TTK: variants seen among roughly 807,000 people sequenced by gnomAD.
The protein encoded by TTK is dual specificity protein kinase TTK.
TTK carries 59 observed loss-of-function variants against 117.3 expected under a neutral mutation model. The ratio of observed to expected loss-of-function variants is 0.50; its 90% CI spans 0.41 to 0.62. The LOEUF is 0.62. Ranked by LOEUF, TTK falls within the 20% of genes least tolerant of loss-of-function variation. The probability of loss-of-function intolerance (pLI) is 0.00; values close to 1 mark genes in which losing one functional copy is unlikely to be tolerated. For synonymous variants in TTK, 302 were observed against 325.0 expected (o/e 0.93, Z 0.76); for missense variants, 921 against 989.4 (o/e 0.93, Z 0.93).
chr6:80,037,772 T>C (rs1439026596), intron 17 of TTK, 195 bp from the exon 18 acceptor site: 1 of 251,718 alleles, frequency 4.0e-6, no homozygotes, highest in African/African-American at 2.3e-5. Flanking sequence ...TGTCAGCAGT[T>C]ATTTGAAATT....
intron 17 of TTK, 82 bp from the exon 18 acceptor site, chr6:80,037,885 T>C: frequency 1.7e-6 from 1 of 580,424 alleles, no homozygotes; most frequent in Non-Finnish European, 2.7e-6. Flanking sequence ...ATAATAATAA[T>C]AATAATAATA....
intron 19 of TTK, 112 bp from the exon 20 acceptor site, chr6:80,040,084 G>T: frequency 1.0e-6 from 1 of 976,434 alleles, no homozygotes; most frequent in Non-Finnish European, 1.4e-6. Flanking sequence ...TACTTTAGTG[G>T]GATATCTAAA....
intron 8 of TTK, among the ~76,000 whole-genome samples, chr6:80,012,480 C>T (rs1767187460): frequency 1.3e-5 from 2 of 151,872 alleles, no homozygotes; most frequent in South Asian, 2.1e-4. Flanking sequence ...GTGTGTTCTC[C>T]TTCCCTCAAT....
intron 13 of TTK, 64 bp downstream of exon 13, chr6:80,028,075 T>G: frequency 6.9e-7 from 1 of 1,452,138 alleles, no homozygotes; most frequent in Non-Finnish European, 9.1e-7. Flanking sequence ...GCTTTTATTT[T>G]TATAGCATCT....
At chr6:80,020,471 A>T (rs926291491) in intron 10 of TTK, among the ~76,000 whole-genome samples, 1 of 152,230 alleles carries the variant, frequency 6.6e-6, no homozygotes, top group African/African-American at 2.4e-5. Flanking sequence ...ATAACAGCAC[A>T]TTCAAAGCAG....
At chr6:80,006,380 G>C (rs1445059733) in intron 2 of TTK, among the ~76,000 whole-genome samples, 1 of 152,092 alleles carries the variant, frequency 6.6e-6, no homozygotes, top group Non-Finnish European at 1.5e-5. Flanking sequence ...GAAAATAAAT[G>C]GAAGAACCTG....
chr6:80,024,613 A>C (rs969937175), intron 11 of TTK, among the ~76,000 whole-genome samples: 9 of 152,168 alleles, frequency 5.9e-5, no homozygotes, highest in Non-Finnish European at 8.8e-5. Flanking sequence ...GGGAGTGGGG[A>C]GTGATTGCTA....
At position 80,022,467 on chromosome 6, in the gene TTK, A is replaced by G; in HGVS notation, c.1252A>G (p.Thr418Ala). The G allele has an allele frequency of 6.2e-7, 1 of 1,612,836 alleles. No homozygotes were observed. The highest frequency in any genetic ancestry group is 8.5e-7 in the Non-Finnish European group (1 of 1,179,672). ...TCCGGAGTTAGCCCGAAAAGTTAAT[A>G]CAGAGGTAACTTTTCCACTAAAGTA... ...QIPELARKVN[T>A]EQKHTTFEQP... The change falls in exon 11 of 22, where the codon ACA becomes GCA. Residue 418 changes from threonine (T) to alanine (A), a missense_variant. Thr to Ala is a moderately conservative substitution (Grantham distance 58). Transcript: ENST00000369798.
chr6:80,006,933 A>T (rs1219000088), intron 2 of TTK, among the ~76,000 whole-genome samples: 1 of 152,194 alleles, frequency 6.6e-6, no homozygotes, highest in African/African-American at 2.4e-5. Context: ...GACTGAAGTT[A>T]ATAGAAGGAA....
intron 10 of TTK, among the ~76,000 whole-genome samples, chr6:80,019,690 G>GTT (rs1767406432): frequency 6.6e-6 from 1 of 152,142 alleles, no homozygotes; most frequent in Non-Finnish European, 1.5e-5. Flanking sequence ...CGATAACTCA[G>GTT]AAGATTGAGC....
chr6:80,016,325 G>A (rs1423825005), intron 10 of TTK, among the ~76,000 whole-genome samples: 2 of 152,170 alleles, frequency 1.3e-5, no homozygotes, highest in Non-Finnish European at 2.9e-5. Flanking sequence ...GCTAACCTTA[G>A]ACCAGCAATT....
chr6:80,022,141 T>C lies in TTK; in HGVS notation c.1109-183T>C, dbSNP rs145965293. Among the ~76,000 whole-genome samples the C allele has an allele frequency of 6.6e-4, 101 of 152,342 alleles. No individual in the cohort carries two copies. The East Asian group carries it at 0.017, about 26-fold the overall frequency. On this transcript the variant is annotated intron_variant, in intron 10 of 21. Transcript: ENST00000369798. Reference sequence around the variant, plus strand: ...TAGGAAGATGACTATAGTGCAACTTTGTGAAATTGACTTGCTAAAAGCAAA... The same window carrying C: ...TAGGAAGATGACTATAGTGCAACTTCGTGAAATTGACTTGCTAAAAGCAAA...
intron 8 of TTK, among the ~76,000 whole-genome samples, chr6:80,012,912 G>A (rs550352892): frequency 6.6e-6 from 1 of 152,172 alleles, no homozygotes; most frequent in South Asian, 2.1e-4. Flanking sequence ...ACAATGCTAG[G>A]TACTGTGGAG....
chr6:80,022,525 G>A (rs17175251), intron 11 of TTK, 53 bp downstream of exon 11: 246,745 of 1,552,686 alleles, frequency 0.16, 21,274 homozygotes, highest in South Asian at 0.19. Context: ...ATGCATTTCC[G>A]AAGGTTGATG....
chr6:80,017,570 C>T (rs1003534909), intron 10 of TTK, among the ~76,000 whole-genome samples: 2 of 152,292 alleles, frequency 1.3e-5, no homozygotes, highest in East Asian at 3.9e-4. Context: ...TGAGCTATCA[C>T]ACCAGGCCTA....
chr6:80,039,128 A>G (rs556883323), intron 18 of TTK, among the ~76,000 whole-genome samples: 3 of 152,226 alleles, frequency 2.0e-5, no homozygotes, highest in African/African-American at 2.4e-5. Flanking sequence ...TGGCTTAGAT[A>G]TAACTATTCT....
chr6:80,027,281 C>G (rs536893595), intron 12 of TTK, among the ~76,000 whole-genome samples: 17 of 152,226 alleles, frequency 1.1e-4, no homozygotes, highest in African/African-American at 4.1e-4. Flanking sequence ...TATATTGCCT[C>G]ATTTTATTAT....
intron 14 of TTK, among the ~76,000 whole-genome samples, chr6:80,033,063 A>G (rs531039340): frequency 1.4e-4 from 22 of 152,318 alleles, no homozygotes; most frequent in Non-Finnish European, 2.6e-4. Flanking sequence ...ATCTAAAAAA[A>G]ATCAAACTTG....
At position 80,038,074 on chromosome 6, in the gene TTK, A is replaced by G. The variant is rs376044021; in HGVS notation, c.2130+27A>G. The G allele has an allele frequency of 4.1e-5, 62 of 1,511,310 alleles. No homozygotes were observed. In the African/African-American group the frequency reaches 7.6e-4, roughly 19 times the overall value. The allele number at this position is 1,511,310 out of a possible 1,614,324, so 93.6% of individuals were successfully genotyped here. ...TACTGAAAAGATTATTTACATCACAATTATCTGGCAACAGTAGGGAATGCA... is the reference window on the plus strand; with the variant it reads ...TACTGAAAAGATTATTTACATCACAGTTATCTGGCAACAGTAGGGAATGCA... On this transcript the variant is annotated intron_variant, in intron 18 of 21. Transcript: ENST00000369798.
Sources: allele counts gnomAD v4.1 joint callset (sites outside exome capture counted in the v4.1 genomes callset), GRCh38; gene constraint gnomAD v4.1.1; transcripts MANE v1.5; gene names NCBI Gene and HGNC (gene_info 2026-07-23, HGNC 2026-07-21).